Variants in AGPS observed in about 807,000 individuals in gnomAD.
AGPS encodes alkylglycerone phosphate synthase, also known as alkyldihydroxyacetonephosphate synthase, peroxisomal.
Under a neutral mutation model 90.7 loss-of-function variants are expected in AGPS, and 26 were observed. The observed-to-expected ratio is 0.29, with a 90% CI of 0.21 to 0.40. The LOEUF is 0.40. Among genes scored for constraint, AGPS ranks in the 10% least tolerant of loss-of-function variants. The pLI, the probability that AGPS is intolerant of heterozygous loss-of-function variation, is 1.00. For missense variants in AGPS, 540 were observed against 816.1 expected (o/e 0.66, Z 4.12); for synonymous variants, 294 against 285.3 (o/e 1.03, Z -0.31).
At chr2:177,420,393 T>A in intron 2 of AGPS, 35 bp downstream of exon 2, 1 of 1,459,542 alleles carries the variant, frequency 6.9e-7, no homozygotes, top group Non-Finnish European at 9.6e-7. Flanking sequence ...TGTTCCTCCT[T>A]TAATTCTTTC....
At chr2:177,421,978 G>C (rs10497507) in intron 2 of AGPS, among the ~76,000 whole-genome samples, 5,321 of 152,064 alleles carry the variant, frequency 0.035, 205 homozygotes, top group African/African-American at 0.097. Flanking sequence ...CCATGTAATG[G>C]TTTATATGAG....
intron 16 of AGPS, among the ~76,000 whole-genome samples, chr2:177,511,543 A>G (rs1447969909): frequency 6.6e-6 from 1 of 152,234 alleles, no homozygotes; most frequent in Admixed American, 6.5e-5. Flanking sequence ...AAGGTTACAA[A>G]CAAAACAAAA....
At position 177,429,920 on chromosome 2, in the gene AGPS, G is replaced by A. The variant is rs190191795; in HGVS notation, c.351-4407G>A. 6.5e-3 allele frequency among the ~76,000 whole-genome samples: 991 copies of A among 152,300 alleles called. 9 individuals carry two copies. Among genetic ancestry groups the A allele is most frequent in the African/African-American group, 0.023 (949 of 41,560 alleles). On this transcript the variant is annotated intron_variant, in intron 2 of 19. Transcript: ENST00000264167. ...GAGTCAACTGAACTGCAGAGACATC[G>A]GCTGTGTCTCCCCCAAGGGGCTCTG... is the stretch of plus-strand genomic sequence containing the variant.
intron 17 of AGPS, among the ~76,000 whole-genome samples, chr2:177,518,146 T>C (rs183832347): frequency 4.0e-4 from 61 of 152,232 alleles, no homozygotes; most frequent in African/African-American, 4.8e-4. Flanking sequence ...TAAAAAAATA[T>C]CTTATGGCTG....
At chr2:177,396,942 C>CTTTTTTTTTTTTTTTTTTTTTTTT (rs757187515) in intron 1 of AGPS, among the ~76,000 whole-genome samples, 1 of 140,552 alleles carries the variant, frequency 7.1e-6, no homozygotes, top group East Asian at 2.2e-4. Context: ...TTTTTCTTTT[C>CTTTTTTTTTTTTTTTTTTTTTTTT]TTTTTTTTTT....
rs1331447370 is a variant in AGPS, at chr2:177,400,066, C to G, written c.260+7017C>G. Among the ~76,000 whole-genome samples the G allele has an allele frequency of 7.2e-5, 11 of 152,100 alleles. No homozygotes were observed. In the East Asian group the frequency reaches 2.1e-3, roughly 29 times the overall value. On this transcript the variant is annotated intron_variant, in intron 1 of 19. Transcript: ENST00000264167. ...ACTTGTTTTAATATAAAGTGCATAT[C>G]AAACTAGTGTTTTTATAGATATTAC...
In AGPS at chr2:177,436,244, C is replaced by T. The variant is rs143983908; in HGVS notation, c.442-520C>T. On this transcript the variant is annotated intron_variant, in intron 3 of 19. Coordinates refer to ENST00000264167, the MANE Select transcript of AGPS (RefSeq NM_003659.4). ...TCGGCTCACTGCAAGCTCTGCCTCCCGGGTTCATGCCATTCTCCTGCCTCA... is the reference window on the plus strand; with the variant it reads ...TCGGCTCACTGCAAGCTCTGCCTCCTGGGTTCATGCCATTCTCCTGCCTCA... Among the ~76,000 whole-genome samples, 318 of 144,874 alleles carry T rather than the reference C, an allele frequency of 2.2e-3. 13 individuals carry two copies. The East Asian group carries it at 0.063, about 29-fold the overall frequency.
intron 8 of AGPS, among the ~76,000 whole-genome samples, chr2:177,451,712 G>A (rs1478821936): frequency 6.6e-6 from 1 of 152,062 alleles, no homozygotes; most frequent in Non-Finnish European, 1.5e-5. Flanking sequence ...TATAGAGTTT[G>A]AATTAGGAAT....
Position 177,542,922 on chromosome 2 carries a change from G to C in AGPS, c.*4727G>C, listed in dbSNP as rs1433241827. 6.6e-6 allele frequency: 1 copy of C among 152,116 alleles called. No individual in the cohort carries two copies. Among genetic ancestry groups the C allele is most frequent in the Non-Finnish European group, 1.5e-5 (1 of 68,026 alleles). 9.4% of individuals were successfully genotyped at this position (152,116 alleles called of 1,614,324 possible). A position where few individuals can be genotyped will look rare whatever the true frequency, so the allele number is the denominator to read the frequency against. ...GTCTTTAGACAGAGGTCATTCAGCA[G>C]TTCAAGACTATTCCTCTTCAAGAAC... On this transcript the variant is annotated 3_prime_UTR_variant, in exon 20 of 20. Coordinates refer to ENST00000264167, the MANE Select transcript of AGPS (RefSeq NM_003659.4).
chr2:177,535,248 A>G (rs553144522), intron 19 of AGPS, among the ~76,000 whole-genome samples: 51 of 152,318 alleles, frequency 3.3e-4, no homozygotes, highest in African/African-American at 1.1e-3. Flanking sequence ...GTAAATTGAA[A>G]TAGTTTTAGG....
chr2:177,520,463 C>T (rs1689147917), intron 17 of AGPS, among the ~76,000 whole-genome samples: 1 of 152,126 alleles, frequency 6.6e-6, no homozygotes, highest in African/African-American at 2.4e-5. Context: ...TGAAAGGAAC[C>T]AGGTTTCTTG....
intron 8 of AGPS, among the ~76,000 whole-genome samples, chr2:177,457,514 C>T (rs1687156655): frequency 6.6e-6 from 1 of 152,120 alleles, no homozygotes; most frequent in African/African-American, 2.4e-5. Context: ...ACCACTGATC[C>T]CACAGAAATA....
chr2:177,466,135 A>G (rs1232314983), intron 9 of AGPS, among the ~76,000 whole-genome samples: 1 of 152,038 alleles, frequency 6.6e-6, no homozygotes, highest in Non-Finnish European at 1.5e-5. Flanking sequence ...CAGGCAGGGC[A>G]TCCTGATGAG....
chr2:177,508,144 G>C, intron 16 of AGPS, 113 bp downstream of exon 16: 1 of 798,886 alleles, frequency 1.3e-6, no homozygotes. Flanking sequence ...AAGAAACATT[G>C]AGACAAGGCA....
At chr2:177,424,002 T>C (rs1022669710) in intron 2 of AGPS, among the ~76,000 whole-genome samples, 1 of 152,148 alleles carries the variant, frequency 6.6e-6, no homozygotes, top group South Asian at 2.1e-4. Flanking sequence ...GTTTGTTACA[T>C]AGCTAAACGT....
intron 17 of AGPS, among the ~76,000 whole-genome samples, chr2:177,516,142 G>A (rs190804375): frequency 6.6e-6 from 1 of 152,164 alleles, no homozygotes; most frequent in Admixed American, 6.5e-5. Context: ...ATTTTACAAA[G>A]CTGTTCCAAA....
intron 1 of AGPS, among the ~76,000 whole-genome samples, chr2:177,410,430 G>T (rs1685586699): frequency 6.6e-6 from 1 of 152,124 alleles, no homozygotes; most frequent in East Asian, 1.9e-4. Flanking sequence ...GGGCATGGAG[G>T]ACTAGGTAAG....
chr2:177,412,723 G>C (rs1685654478), intron 1 of AGPS, among the ~76,000 whole-genome samples: 1 of 152,144 alleles, frequency 6.6e-6, no homozygotes, highest in Non-Finnish European at 1.5e-5. Context: ...CAAGCCTCTT[G>C]TTCTCTGACC....
At chr2:177,534,461 T>G (rs2079165372) in intron 19 of AGPS, among the ~76,000 whole-genome samples, 1 of 152,174 alleles carries the variant, frequency 6.6e-6, no homozygotes, top group Middle Eastern at 3.2e-3. Flanking sequence ...TACACACAAC[T>G]TGTTTGATCC....
Sources: gnomAD v4.1 joint callset for allele counts (sites outside exome capture counted in the v4.1 genomes callset) on GRCh38, gnomAD v4.1.1 for gene constraint, MANE v1.5 for transcripts, NCBI Gene and HGNC (gene_info 2026-07-23, HGNC 2026-07-21) for gene names.